Variants in KALRN observed in about 807,000 individuals in gnomAD.
The protein encoded by KALRN is kalirin RhoGEF kinase, also known as kalirin.
Under a neutral mutation model 353.7 loss-of-function variants are expected in KALRN, and 70 were observed. The ratio of observed to expected loss-of-function variants is 0.20; its 90% CI spans 0.16 to 0.24. KALRN has a LOEUF of 0.24. Ranked by LOEUF, KALRN falls within the 10% of genes least tolerant of loss-of-function variation. The pLI, the probability that KALRN is intolerant of heterozygous loss-of-function variation, is 1.00. For synonymous variants in KALRN, 1,391 were observed against 1,434.8 expected (o/e 0.97, Z 0.69); for missense variants, 2,791 against 3,756.7 (o/e 0.74, Z 6.72).
intron 34 of KALRN, among the ~76,000 whole-genome samples, chr3:124,628,960 G>C (rs545864243): frequency 1.3e-5 from 2 of 152,202 alleles, no homozygotes; most frequent in East Asian, 3.9e-4. Flanking sequence ...GGGCCTCCCA[G>C]GTAGATTAGA....
At chr3:124,377,639 A>G (rs2086770814) in intron 10 of KALRN, among the ~76,000 whole-genome samples, 1 of 152,168 alleles carries the variant, frequency 6.6e-6, no homozygotes, top group Non-Finnish European at 1.5e-5. Context: ...GAGAGGGGGC[A>G]TAGAATCTCT....
In KALRN at chr3:124,434,655, G is replaced by A. The variant is rs139607434; in HGVS notation, c.3048+130G>A. ...TTTCAGTACTAACATTTGAAGAATA[G>A]TTTGTGGAAACACCACAGTTGACTT... On this transcript the variant is annotated intron_variant, in intron 17 of 59. Transcript: ENST00000682506. The A allele has an allele frequency of 2.2e-3, 1,687 of 770,514 alleles. 26 individuals are homozygous for A. In the African/African-American group the frequency reaches 0.027, roughly 12 times the overall value. 47.7% of individuals were successfully genotyped at this position (770,514 alleles called of 1,614,324 possible). A position where few individuals can be genotyped will look rare whatever the true frequency, so the allele number is the denominator to read the frequency against.
At chr3:124,448,368 C>T (rs929815862) in intron 21 of KALRN, among the ~76,000 whole-genome samples, 1 of 152,122 alleles carries the variant, frequency 6.6e-6, no homozygotes, top group African/African-American at 2.4e-5. Flanking sequence ...CCACCCAGAT[C>T]AAGAACTTTA....
chr3:124,527,167 G>T (rs539257400), intron 33 of KALRN, among the ~76,000 whole-genome samples: 115 of 152,308 alleles, frequency 7.6e-4, no homozygotes, highest in African/African-American at 2.6e-3. Flanking sequence ...ACACAATCAG[G>T]GCTACAGAGC....
At chr3:124,647,187 G>A (rs570692101) in intron 37 of KALRN, among the ~76,000 whole-genome samples, 18 of 152,172 alleles carry the variant, frequency 1.2e-4, no homozygotes, top group South Asian at 2.1e-4. Flanking sequence ...CATTACAGGC[G>A]TGAGCCACCA....
intron 6 of KALRN, among the ~76,000 whole-genome samples, chr3:124,316,357 A>ACTC (rs10663409): frequency 0.53 from 79,990 of 151,678 alleles, 21,651 homozygotes; most frequent in East Asian, 0.67. Context: ...ACATCTTGCC[A>ACTC]CTCTGCTTAA....
chr3:124,166,101 T>C (rs1320199981), intron 1 of KALRN, among the ~76,000 whole-genome samples: 1 of 152,138 alleles, frequency 6.6e-6, no homozygotes, highest in African/African-American at 2.4e-5. Flanking sequence ...AAGTGGCCTT[T>C]CTTAACCACC....
intron 37 of KALRN, among the ~76,000 whole-genome samples, chr3:124,640,552 G>C (rs545640955): frequency 1.3e-5 from 2 of 152,106 alleles, no homozygotes; most frequent in African/African-American, 4.8e-5. Context: ...CCAAAATGCT[G>C]GGATTACAGT....
At chr3:124,346,306 G>A (rs1216902968) in intron 9 of KALRN, among the ~76,000 whole-genome samples, 2 of 152,062 alleles carry the variant, frequency 1.3e-5, no homozygotes, top group Non-Finnish European at 2.9e-5. Context: ...CCTCTCAAGT[G>A]CCCCTCAGGA....
intron 22 of KALRN, among the ~76,000 whole-genome samples, chr3:124,455,764 T>C (rs764246618): frequency 1.3e-5 from 2 of 152,202 alleles, no homozygotes; most frequent in Non-Finnish European, 2.9e-5. Flanking sequence ...CTTTCAAGAA[T>C]AAGGGGTGCA....
In KALRN at chr3:124,667,135, G is replaced by A. The variant is rs1200127122; in HGVS notation, c.6655G>A (p.Val2219Met). Residue 2219 changes from valine to methionine, a missense_variant, in exon 47 of 60, where the codon GTG (valine) becomes ATG (methionine). This residue lies in a region of KALRN where 1,065 missense variants were observed against 1,156.4 expected (regional missense o/e 0.92). Transcript: ENST00000682506. ...CAACGCTGACATCCAGCAGGCCTGG[G>A]TGCAGGACATCAATCAAGTCTTAGA... is the stretch of plus-strand genomic sequence containing the variant. ...AANADIQQAWVQDINQVLETQ... is the reference protein window; with the variant it reads ...AANADIQQAWMQDINQVLETQ... 1 of 1,614,172 alleles carries A rather than the reference G, an allele frequency of 6.2e-7. No homozygotes were observed. Among genetic ancestry groups the A allele is most frequent in the East Asian group, 2.2e-5 (1 of 44,888 alleles).
intron 37 of KALRN, among the ~76,000 whole-genome samples, chr3:124,638,609 A>C (rs1319788197): frequency 6.6e-6 from 1 of 151,864 alleles, no homozygotes; most frequent in Non-Finnish European, 1.5e-5. Context: ...TTCTTTTACC[A>C]TCTGAGCATG....
In KALRN at chr3:124,314,836, G is replaced by T. The variant is rs192050380; in HGVS notation, c.1093-11144G>T. Among the ~76,000 whole-genome samples, 74 of 152,150 alleles carry T rather than the reference G, an allele frequency of 4.9e-4. No homozygotes were observed. The East Asian group carries it at 0.012, about 24-fold the overall frequency. On this transcript the variant is annotated intron_variant, in intron 6 of 59. Coordinates refer to ENST00000682506, the MANE Select transcript of KALRN (RefSeq NM_001388419.1). ...ATGCTGGCTAATTTTTTAATTTTTTGTAGATACAGGGTCTCACTATGTTGC... is the reference window on the plus strand; with the variant it reads ...ATGCTGGCTAATTTTTTAATTTTTTTTAGATACAGGGTCTCACTATGTTGC...
chr3:124,517,880 T>C (rs1184772543), intron 33 of KALRN, among the ~76,000 whole-genome samples: 1 of 152,238 alleles, frequency 6.6e-6, no homozygotes, highest in Non-Finnish European at 1.5e-5. Context: ...TTAAATGTTA[T>C]ATAGCAAGAT....
At chr3:124,649,790 A>AATAGATAGATAGATAGATAG (rs57296265) in intron 37 of KALRN, among the ~76,000 whole-genome samples, 3 of 132,800 alleles carry the variant, frequency 2.3e-5, no homozygotes, top group African/African-American at 5.8e-5. Flanking sequence ...CCTGTCTCAA[A>AATAGATAGATAGATAGATAG]ATAGATAGAT....
At chr3:124,660,079 A>G (rs1405782712) in intron 43 of KALRN, among the ~76,000 whole-genome samples, 2 of 151,864 alleles carry the variant, frequency 1.3e-5, no homozygotes, top group Non-Finnish European at 2.9e-5. Context: ...CAACAGATGC[A>G]TGTCATCATG....
intron 1 of KALRN, among the ~76,000 whole-genome samples, chr3:124,040,816 T>C (rs1281944379): frequency 2.0e-5 from 3 of 152,196 alleles, no homozygotes; most frequent in African/African-American, 7.2e-5. Context: ...TTGTTCCTGC[T>C]GTTTTAATTA....
chr3:124,276,580 G>A (rs1275626860), intron 5 of KALRN, among the ~76,000 whole-genome samples: 1 of 152,188 alleles, frequency 6.6e-6, no homozygotes, highest in Non-Finnish European at 1.5e-5. Context: ...CCATGAGGCA[G>A]CAGTAACATG....
chr3:124,388,675 T>C (rs1056243205), intron 11 of KALRN, among the ~76,000 whole-genome samples: 25 of 152,184 alleles, frequency 1.6e-4, no homozygotes, highest in African/African-American at 5.8e-4. Flanking sequence ...TCTCCAGATA[T>C]TGTAAATAAG....
Sources: allele counts gnomAD v4.1 joint callset (sites outside exome capture counted in the v4.1 genomes callset), GRCh38; gene constraint gnomAD v4.1.1; regional missense constraint gnomAD v4.1.1; transcripts MANE v1.5; gene names NCBI Gene and HGNC (gene_info 2026-07-23, HGNC 2026-07-21).